The following NKAIN3 variants were observed in gnomAD, a reference collection of about 807,000 sequenced individuals.
NKAIN3 encodes sodium/potassium transporting ATPase interacting 3.
NKAIN3 carries 25 observed loss-of-function variants against 30.2 expected under a neutral mutation model. That is an observed-to-expected ratio of 0.83 (90% CI 0.60 to 1.16). The LOEUF is 1.16. Ranked by LOEUF, NKAIN3 falls within the 50% of genes most tolerant of loss-of-function variation. The pLI is 0.00. For synonymous variants in NKAIN3, 91 were observed against 89.6 expected (o/e 1.02, Z -0.09); for missense variants, 225 against 254.1 (o/e 0.89, Z 0.78).
At chr8:62,843,872 A>C (rs1327789220) in intron 4 of NKAIN3, among the ~76,000 whole-genome samples, 1 of 152,086 alleles carries the variant, frequency 6.6e-6, no homozygotes, top group South Asian at 2.1e-4. Flanking sequence ...TGTTCACTGC[A>C]ACCTCACTCC....
intron 4 of NKAIN3, among the ~76,000 whole-genome samples, chr8:62,795,560 G>A (rs1250126747): frequency 1.3e-5 from 2 of 151,998 alleles, no homozygotes; most frequent in Admixed American, 1.3e-4. Context: ...TCAGCTAGAA[G>A]GTACTTAACT....
intron 1 of NKAIN3, among the ~76,000 whole-genome samples, chr8:62,534,366 G>A (rs896491): frequency 0.42 from 63,415 of 152,032 alleles, 13,343 homozygotes; most frequent in Middle Eastern, 0.5. Flanking sequence ...CAGGTCACCC[G>A]CTGAGCTGAC....
chr8:62,300,165 A>T (rs1467644445), intron 1 of NKAIN3, among the ~76,000 whole-genome samples: 2 of 152,058 alleles, frequency 1.3e-5, no homozygotes, highest in Admixed American at 6.6e-5. Flanking sequence ...GTTGGTGTGC[A>T]TGTGAGTCAG....
At chr8:62,590,000 A>G (rs1307820174) in intron 3 of NKAIN3, among the ~76,000 whole-genome samples, 1 of 151,144 alleles carries the variant, frequency 6.6e-6, no homozygotes, top group Non-Finnish European at 1.5e-5. Flanking sequence ...ATATCATGGA[A>G]CTTCAAAACA....
chr8:62,357,309 C>T (rs1471756323), intron 1 of NKAIN3, among the ~76,000 whole-genome samples: 1 of 151,376 alleles, frequency 6.6e-6, no homozygotes, highest in Non-Finnish European at 1.5e-5. Flanking sequence ...ATCGTAGCTA[C>T]TTGGCAGGCT....
At chr8:62,318,380 T>C (rs1007519392) in intron 1 of NKAIN3, among the ~76,000 whole-genome samples, 3 of 152,186 alleles carry the variant, frequency 2.0e-5, no homozygotes, top group African/African-American at 7.2e-5. Context: ...GTGCCAGCTT[T>C]CAAAGGGAAT....
intron 3 of NKAIN3, among the ~76,000 whole-genome samples, chr8:62,692,382 A>G (rs549522731): frequency 6.6e-6 from 1 of 152,354 alleles, no homozygotes; most frequent in East Asian, 1.9e-4. Flanking sequence ...GCAATTTGAG[A>G]AAAGCACAAC....
intron 3 of NKAIN3, among the ~76,000 whole-genome samples, chr8:62,611,056 C>T (rs570942348): frequency 6.6e-6 from 1 of 152,144 alleles, no homozygotes; most frequent in South Asian, 2.1e-4. Flanking sequence ...TACTTGCTTC[C>T]ACTATCAGCC....
At chr8:62,668,056 T>G (rs1030471752) in intron 3 of NKAIN3, among the ~76,000 whole-genome samples, 2 of 151,940 alleles carry the variant, frequency 1.3e-5, no homozygotes, top group African/African-American at 4.8e-5. Context: ...AAGATGCCCT[T>G]GAACACCCTA....
intron 2 of NKAIN3, among the ~76,000 whole-genome samples, chr8:62,583,359 T>A (rs541983245): frequency 5.9e-5 from 9 of 152,290 alleles, no homozygotes; most frequent in African/African-American, 2.2e-4. Flanking sequence ...CAACAATCCA[T>A]GTTTTTGCTC....
At chr8:62,657,834 G>T (rs571467175) in intron 3 of NKAIN3, among the ~76,000 whole-genome samples, 1 of 152,138 alleles carries the variant, frequency 6.6e-6, no homozygotes, top group Non-Finnish European at 1.5e-5. Context: ...GGACAAGTTC[G>T]TGTCCCTTAG....
intron 1 of NKAIN3, among the ~76,000 whole-genome samples, chr8:62,293,988 G>T (rs1813741435): frequency 1.3e-5 from 2 of 152,154 alleles, no homozygotes; most frequent in African/African-American, 2.4e-5. Context: ...ATCTCAGACT[G>T]CTGTGCTAGT....
chr8:62,254,811 T>C (rs1812215129), intron 1 of NKAIN3, among the ~76,000 whole-genome samples: 1 of 152,238 alleles, frequency 6.6e-6, no homozygotes, highest in Non-Finnish European at 1.5e-5. Context: ...AAGAATTAAT[T>C]AACAAATAAT....
chr8:62,938,698 G>C (rs1822860205), intron 5 of NKAIN3, among the ~76,000 whole-genome samples: 1 of 152,152 alleles, frequency 6.6e-6, no homozygotes, highest in African/African-American at 2.4e-5. Flanking sequence ...TACGGGAAGA[G>C]GGGAGAGCAC....
In NKAIN3 at chr8:62,963,988, G is replaced by T. The variant is rs546213806; in HGVS notation, c.604-1366G>T. 3.9e-5 allele frequency among the ~76,000 whole-genome samples: 6 copies of T among 152,310 alleles called. No individual in the cohort carries two copies. The East Asian group carries it at 1.2e-3, about 29-fold the overall frequency. On this transcript the variant is annotated intron_variant, in intron 6 of 6. Coordinates refer to ENST00000623646, the MANE Select transcript of NKAIN3 (RefSeq NM_001304533.3). Reference sequence around the variant, plus strand: ...CACAAAGTCATCAAACTGAAGTAGAGGAAAAGAAGTTGCTAGATGTGGTTA... The same window carrying T: ...CACAAAGTCATCAAACTGAAGTAGATGAAAAGAAGTTGCTAGATGTGGTTA...
intron 6 of NKAIN3, among the ~76,000 whole-genome samples, chr8:62,963,175 G>A (rs1449469861): frequency 6.6e-6 from 1 of 152,202 alleles, no homozygotes; most frequent in African/African-American, 2.4e-5. Flanking sequence ...TTACAGGCGT[G>A]AGCCACTGTG....
intron 1 of NKAIN3, among the ~76,000 whole-genome samples, chr8:62,306,577 T>TGTGTGTGTGTGTGTGTGTGTGTTG (rs369616688): frequency 8.1e-6 from 1 of 123,708 alleles, no homozygotes; most frequent in African/African-American, 3.2e-5. Flanking sequence ...TGTGTGTGTG[T>TGTGTGTGTGTGTGTGTGTGTGTTG]TGTGTGTGTG....
At chr8:62,262,367 G>A (rs1170506036) in intron 1 of NKAIN3, among the ~76,000 whole-genome samples, 2 of 152,134 alleles carry the variant, frequency 1.3e-5, no homozygotes, top group African/African-American at 2.4e-5. Flanking sequence ...TTCTTCAGCC[G>A]ATGAACCACT....
At chr8:62,791,119 C>A (rs1817690821) in intron 4 of NKAIN3, among the ~76,000 whole-genome samples, 1 of 151,984 alleles carries the variant, frequency 6.6e-6, no homozygotes, top group African/African-American at 2.4e-5. Flanking sequence ...TCCCACTGGT[C>A]AAAGTAAGTC....
Sources: allele counts gnomAD v4.1 joint callset (sites outside exome capture counted in the v4.1 genomes callset), GRCh38; gene constraint gnomAD v4.1.1; transcripts MANE v1.5; gene names NCBI Gene and HGNC (gene_info 2026-07-23, HGNC 2026-07-21).